Variants in STOX1 observed in about 807,000 individuals in gnomAD.
STOX1 encodes storkhead-box protein 1.
STOX1 carries 57 observed loss-of-function variants against 74.8 expected under a neutral mutation model. The ratio of observed to expected loss-of-function variants is 0.76; its 90% CI spans 0.62 to 0.95. The LOEUF (loss-of-function observed/expected upper bound fraction) is 0.95, where lower values mean the gene tolerates loss of function less well. STOX1 is among the 40% of genes least tolerant of loss of function. The pLI is 0.00. For missense variants in STOX1, 1,010 were observed against 1,117.0 expected (o/e 0.90, Z 1.37); for synonymous variants, 375 against 401.3 (o/e 0.93, Z 0.78).
At chr10:68,886,918 CAAA>C (rs1199871223) in intron 3 of STOX1, among the ~76,000 whole-genome samples, 1 of 115,374 alleles carries the variant, frequency 8.7e-6, no homozygotes, top group African/African-American at 3.1e-5. Flanking sequence ...GACTCTGCCT[CAAA>C]AAAAAAAAGA....
rs370558073 is a variant in STOX1, at chr10:68,858,778, C to T, written c.311-23180C>T. ...GGCCTTCCTGGATTCTTGTGCAGGT[C>T]CTGTTTATTATTCTGGGCCACTTGA... On this transcript the variant is annotated intron_variant, in intron 1 of 3. Transcript: ENST00000298596. Among the ~76,000 whole-genome samples the T allele has an allele frequency of 3.3e-5, 5 of 151,758 alleles. 1 individual carries two copies. Among genetic ancestry groups the T allele is most frequent in the Admixed American group, 6.6e-5 (1 of 15,254 alleles).
chr10:68,832,381 A>C lies in STOX1; in HGVS notation c.310+4448A>C, dbSNP rs564653284. ...CCTTTCATCTTTTCTCACTGAATAA[A>C]AATGCCCCAGGCCATGCCTGGTGGC... is the stretch of plus-strand genomic sequence containing the variant. On this transcript the variant is annotated intron_variant, in intron 1 of 3. Transcript: ENST00000298596. 1.1e-3 allele frequency among the ~76,000 whole-genome samples: 171 copies of C among 152,346 alleles called. 1 individual carries two copies. Among genetic ancestry groups the C allele is most frequent in the African/African-American group, 4.0e-3 (166 of 41,588 alleles).
At chr10:68,846,478 G>T (rs1839861618) in intron 1 of STOX1, among the ~76,000 whole-genome samples, 1 of 152,066 alleles carries the variant, frequency 6.6e-6, no homozygotes, top group Admixed American at 6.6e-5. Flanking sequence ...TTTGCATATG[G>T]ATGTCCAATT....
intron 1 of STOX1, among the ~76,000 whole-genome samples, chr10:68,869,173 T>G (rs146352320): frequency 2.8e-3 from 433 of 152,346 alleles, no homozygotes; most frequent in African/African-American, 9.7e-3. Flanking sequence ...TGAGTCCTAG[T>G]CCTACCAATT....
Position 68,884,710 on chromosome 10 carries a change from A to C in STOX1, c.914A>C (p.Lys305Thr). ...AAACCTTTACCATACACAAGAGATAAAGAAAAAGGCAAGAAGTTTGGTTTT... is the reference window on the plus strand; with the variant it reads ...AAACCTTTACCATACACAAGAGATACAGAAAAAGGCAAGAAGTTTGGTTTT... ...STKPLPYTRDKEKGKKFGFSL... is the reference protein window; with the variant it reads ...STKPLPYTRDTEKGKKFGFSL... Residue 305 changes from lysine (K) to threonine (T), a missense_variant, in exon 3 of 4, where the codon AAA becomes ACA. Lys to Thr is a moderately conservative substitution (Grantham distance 78). Transcript: ENST00000298596. 1 of 1,614,164 alleles carries C rather than the reference A, an allele frequency of 6.2e-7. No homozygotes were observed. Among genetic ancestry groups the C allele is most frequent in the Non-Finnish European group, 8.5e-7 (1 of 1,180,026 alleles).
intron 1 of STOX1, among the ~76,000 whole-genome samples, chr10:68,847,775 G>C (rs2133527935): frequency 6.6e-6 from 1 of 151,690 alleles, no homozygotes; most frequent in African/African-American, 2.4e-5. Context: ...TGTTGCCCAG[G>C]CTGGAGTGCA....
At position 68,845,145 on chromosome 10, in the gene STOX1, C is replaced by T. The variant is rs566570074; in HGVS notation, c.310+17212C>T. Among the ~76,000 whole-genome samples the T allele has an allele frequency of 1.8e-4, 27 of 152,170 alleles. No individual in the cohort carries two copies. The South Asian group carries it at 3.1e-3, about 18-fold the overall frequency. On this transcript the variant is annotated intron_variant, in intron 1 of 3. Coordinates refer to ENST00000298596, the MANE Select transcript of STOX1 (RefSeq NM_152709.5). ...CAAGATGGAGTCTCGCTCTATCACCCGAGCTGAAGTGCAGTGGTGCGATCA... is the reference window on the plus strand; with the variant it reads ...CAAGATGGAGTCTCGCTCTATCACCTGAGCTGAAGTGCAGTGGTGCGATCA...
chr10:68,840,503 G>A lies in STOX1; in HGVS notation c.310+12570G>A, dbSNP rs1839664979. On this transcript the variant is annotated intron_variant, in intron 1 of 3. Transcript: ENST00000298596. The stretch of plus-strand genomic sequence containing the variant: ...TCAAGTGCTGGGATTACAGGCGTGA[G>A]CCACTGCTCCCGGCCCAAGCACCAA... Among the ~76,000 whole-genome samples the A allele has an allele frequency of 3.3e-5, 5 of 152,124 alleles. No homozygotes were observed. In the South Asian group the frequency reaches 1.0e-3, roughly 32 times the overall value.
At chr10:68,883,147 G>A (rs1328486445) in intron 2 of STOX1, among the ~76,000 whole-genome samples, 1 of 151,578 alleles carries the variant, frequency 6.6e-6, no homozygotes, top group African/African-American at 2.4e-5. Flanking sequence ...GGAGGCCAAG[G>A]TGGGCGGATC....
Position 68,862,754 on chromosome 10 carries a change from T to G in STOX1, c.311-19204T>G, listed in dbSNP as rs1149681. Among the ~76,000 whole-genome samples, 592 of 152,196 alleles carry G rather than the reference T, an allele frequency of 3.9e-3. 8 individuals carry two copies. Among genetic ancestry groups the G allele is most frequent in the African/African-American group, 0.014 (563 of 41,456 alleles). The stretch of plus-strand genomic sequence containing the variant: ...ATGGCACACAGACTGAGAGGTGCAG[T>G]TTATGCTAAACATCTCCTTAGGGGA... On this transcript the variant is annotated intron_variant, in intron 1 of 3. Transcript: ENST00000298596.
At chr10:68,830,309 A>G (rs1021889356) in intron 1 of STOX1, among the ~76,000 whole-genome samples, 13 of 152,040 alleles carry the variant, frequency 8.6e-5, no homozygotes, top group African/African-American at 3.1e-4. Context: ...CCTGGCAGGA[A>G]TGATTTTGAG....
At chr10:68,832,650 G>A (rs568946347) in intron 1 of STOX1, among the ~76,000 whole-genome samples, 1 of 135,682 alleles carries the variant, frequency 7.4e-6, no homozygotes, top group African/African-American at 2.7e-5. Context: ...GGCAACAGAG[G>A]GAAAATGTCT....
At chr10:68,887,562 G>T (rs1032716989) in intron 3 of STOX1, among the ~76,000 whole-genome samples, 3 of 149,990 alleles carry the variant, frequency 2.0e-5, no homozygotes, top group African/African-American at 4.9e-5. Flanking sequence ...GATTACAGGC[G>T]TGAGCCACTG....
rs758017055 is a variant in STOX1 at position 68,885,376 on chromosome 10, A to C, written c.1580A>C (p.Lys527Thr). Residue 527 changes from lysine (K) to threonine (T), a missense_variant, in exon 3 of 4, where the codon AAG becomes ACG. Transcript: ENST00000298596. ...CTGAAACCCAGCCAGACTGGACCAAAGGAAAAGCCTTTCCAAAAGCCTAGG... is the reference window on the plus strand; with the variant it reads ...CTGAAACCCAGCCAGACTGGACCAACGGAAAAGCCTTTCCAAAAGCCTAGG... ...SDLKPSQTGP[K>T]EKPFQKPRSL... The C allele has an allele frequency of 9.9e-6, 16 of 1,614,090 alleles. No individual in the cohort carries two copies. The highest frequency in any genetic ancestry group is 1.4e-5 in the Non-Finnish European group (16 of 1,180,042).
intron 3 of STOX1, among the ~76,000 whole-genome samples, 174 bp downstream of exon 3, chr10:68,886,792 T>A (rs1840975317): frequency 6.6e-6 from 1 of 151,834 alleles, no homozygotes; most frequent in Non-Finnish European, 1.5e-5. Flanking sequence ...TGGTGGTGCG[T>A]CCCTGTAATC....
chr10:68,834,794 G>A (rs567606301), intron 1 of STOX1, among the ~76,000 whole-genome samples: 1 of 152,008 alleles, frequency 6.6e-6, no homozygotes, highest in Non-Finnish European at 1.5e-5. Context: ...GCGTGATCTC[G>A]GCTCACTGCA....
intron 1 of STOX1, among the ~76,000 whole-genome samples, chr10:68,829,230 T>C (rs2133477780): frequency 6.6e-6 from 1 of 152,340 alleles, no homozygotes; most frequent in East Asian, 1.9e-4. Flanking sequence ...ATCCCAGCAC[T>C]TTGAGAGGCC....
chr10:68,828,909 C>CT lies in STOX1; in HGVS notation c.310+982dup, dbSNP rs1013820993. The CT allele has an allele frequency of 8.3e-6, 8 of 963,286 alleles. No individual in the cohort carries two copies. The African/African-American group carries it at 1.4e-4, about 17-fold the overall frequency. The allele number at this position is 963,286 out of a possible 1,614,324, so 59.7% of individuals were successfully genotyped here. On this transcript the variant is annotated intron_variant, in intron 1 of 3. Coordinates refer to ENST00000298596, the MANE Select transcript of STOX1 (RefSeq NM_152709.5). ...TTGTTAGACAACAGCAGCTTTTTGCCTTTTTTCATAAAATAGCTTCTCATT... is the reference window on the plus strand; with the variant it reads ...TTGTTAGACAACAGCAGCTTTTTGCCTTTTTTTCATAAAATAGCTTCTCATT...
At chr10:68,856,705 C>T (rs928829697) in intron 1 of STOX1, among the ~76,000 whole-genome samples, 1 of 152,046 alleles carries the variant, frequency 6.6e-6, no homozygotes, top group Non-Finnish European at 1.5e-5. Flanking sequence ...CCCTGCAGCC[C>T]TCATAGACCC....
Sources: allele counts gnomAD v4.1 joint callset (sites outside exome capture counted in the v4.1 genomes callset), GRCh38; gene constraint gnomAD v4.1.1; transcripts MANE v1.5; gene names NCBI Gene and HGNC (gene_info 2026-07-23, HGNC 2026-07-21).